Variants in PTPRT observed in about 807,000 individuals in gnomAD.
The protein encoded by PTPRT is protein tyrosine phosphatase receptor type T.
A neutral mutation model predicts 176.8 loss-of-function variants in PTPRT; 56 were observed. The observed-to-expected ratio is 0.32, with a 90% CI of 0.26 to 0.40. The LOEUF (loss-of-function observed/expected upper bound fraction) is 0.40, where lower values mean the gene tolerates loss of function less well. Ranked by LOEUF, PTPRT falls within the 10% of genes least tolerant of loss-of-function variation. The pLI, the probability that PTPRT is intolerant of heterozygous loss-of-function variation, is 1.00. For synonymous variants in PTPRT, 783 were observed against 739.0 expected (o/e 1.06, Z -0.96); for missense variants, 1,540 against 1,908.2 (o/e 0.81, Z 3.60).
In PTPRT at chr20:42,492,463, G is replaced by T. The variant is rs111698939; in HGVS notation, c.1154-19901C>A. Among the ~76,000 whole-genome samples, 518 of 151,572 alleles carry T rather than the reference G, an allele frequency of 3.4e-3. 6 individuals are homozygous for T. The highest frequency in any genetic ancestry group is 0.012 in the African/African-American group (490 of 41,088). ...TAATCATGTTAAACATTTTCTTCAT[G>T]TTCCTTTTTTTTGCCATCTGTATAT... On this transcript the variant is annotated intron_variant, in intron 7 of 30. Transcript: ENST00000373187.
At chr20:42,276,515 A>AATGTTC (rs1252220064) in intron 13 of PTPRT, among the ~76,000 whole-genome samples, 2 of 23,076 alleles carry the variant, frequency 8.7e-5, no homozygotes, top group Non-Finnish European at 1.7e-4. Flanking sequence ...ATATATATAT[A>AATGTTC]TATATATATA....
chr20:42,519,016 A>T (rs2145488203), intron 7 of PTPRT, among the ~76,000 whole-genome samples: 1 of 152,164 alleles, frequency 6.6e-6, no homozygotes, highest in African/African-American at 2.4e-5. Flanking sequence ...ATCTTCCAAA[A>T]CTATGGTGCA....
At chr20:42,923,711 A>G (rs1979304427) in intron 1 of PTPRT, among the ~76,000 whole-genome samples, 1 of 152,238 alleles carries the variant, frequency 6.6e-6, no homozygotes, top group Admixed American at 6.5e-5. Context: ...CACCAGTCCC[A>G]GGTACTCCAC....
chr20:42,229,663 T>C (rs1222088539), intron 15 of PTPRT, among the ~76,000 whole-genome samples: 1 of 152,212 alleles, frequency 6.6e-6, no homozygotes, highest in Non-Finnish European at 1.5e-5. Flanking sequence ...ATTATGTCCA[T>C]TGAATCTTTG....
chr20:42,108,332 T>TATTA (rs1986671252), intron 23 of PTPRT, among the ~76,000 whole-genome samples: 1 of 152,184 alleles, frequency 6.6e-6, no homozygotes, highest in Non-Finnish European at 1.5e-5. Flanking sequence ...CTCTATTACT[T>TATTA]ATTAGCTGCA....
intron 6 of PTPRT, among the ~76,000 whole-genome samples, chr20:42,731,892 CTT>C (rs2076466125): frequency 6.6e-6 from 1 of 152,210 alleles, no homozygotes; most frequent in Non-Finnish European, 1.5e-5. Flanking sequence ...TCTTCCTACT[CTT>C]TAAATGGCTG....
At chr20:43,005,716 G>A (rs747772795) in intron 1 of PTPRT, among the ~76,000 whole-genome samples, 5 of 152,228 alleles carry the variant, frequency 3.3e-5, no homozygotes, top group East Asian at 1.9e-4. Flanking sequence ...CAATGCTGAC[G>A]GCATTCAAAT....
In PTPRT at chr20:42,184,583, T is replaced by TTCTTCTTCTTCTTCTTCTTCC. The variant is rs1471645810; in HGVS notation, c.2491+14656_2491+14657insGGAAGAAGAAGAAGAAGAAGA. Among the ~76,000 whole-genome samples, 7 of 141,738 alleles carry TTCTTCTTCTTCTTCTTCTTCC rather than the reference T, an allele frequency of 4.9e-5. No individual in the cohort carries two copies. In the East Asian group the frequency reaches 1.3e-3, roughly 27 times the overall value. 93.0% of individuals were successfully genotyped at this position (141,738 alleles called of 152,430 possible). On this transcript the variant is annotated intron_variant, in intron 16 of 30. Transcript: ENST00000373187. ...CTTATTCTTCTTCTTCTTCTTCTTCTTCTTCTTCTTCCTCTTCTTCTTCTT... is the reference window on the plus strand; with the variant it reads ...CTTATTCTTCTTCTTCTTCTTCTTCTTCTTCTTCTTCTTCTTCTTCCTCTTCTTCTTCCTCTTCTTCTTCTT...
intron 6 of PTPRT, among the ~76,000 whole-genome samples, chr20:42,701,239 T>A (rs1264637359): frequency 6.6e-6 from 1 of 152,170 alleles, no homozygotes; most frequent in East Asian, 1.9e-4. Context: ...ATGTGAGTCA[T>A]TCCTGCTCAT....
chr20:42,167,925 T>G (rs536136675), intron 16 of PTPRT, among the ~76,000 whole-genome samples: 2 of 152,302 alleles, frequency 1.3e-5, no homozygotes, highest in African/African-American at 2.4e-5. Flanking sequence ...CCCTCAAAAC[T>G]TAACTACTAA....
chr20:42,138,968 A>G (rs1442455306), intron 18 of PTPRT, among the ~76,000 whole-genome samples: 1 of 152,148 alleles, frequency 6.6e-6, no homozygotes, highest in Non-Finnish European at 1.5e-5. Context: ...TGCTAATCAC[A>G]GCCAGTTTTC....
At chr20:42,295,890 C>T (rs2057379414) in intron 12 of PTPRT, among the ~76,000 whole-genome samples, 1 of 152,198 alleles carries the variant, frequency 6.6e-6, no homozygotes, top group Non-Finnish European at 1.5e-5. Flanking sequence ...AGTTCCTTTG[C>T]TTCGCACGTC....
intron 7 of PTPRT, among the ~76,000 whole-genome samples, chr20:42,625,723 A>C: frequency 6.6e-6 from 1 of 152,048 alleles, no homozygotes. Flanking sequence ...AGGATCAACC[A>C]ACACAATGAG....
chr20:43,163,621 G>C (rs1438611489), intron 1 of PTPRT, among the ~76,000 whole-genome samples: 1 of 150,958 alleles, frequency 6.6e-6, no homozygotes, highest in African/African-American at 2.4e-5. Flanking sequence ...CTGGGCTACA[G>C]AGCGAGACTC....
intron 14 of PTPRT, among the ~76,000 whole-genome samples, chr20:42,239,172 T>A (rs1469036831): frequency 6.6e-6 from 1 of 152,096 alleles, no homozygotes; most frequent in African/African-American, 2.4e-5. Context: ...GTTCACCTCT[T>A]TAGGAATAAT....
chr20:42,665,814 A>G (rs2075305927), intron 7 of PTPRT, among the ~76,000 whole-genome samples: 1 of 151,982 alleles, frequency 6.6e-6, no homozygotes, highest in Admixed American at 6.6e-5. Flanking sequence ...GAAGCTGAAA[A>G]TCATCATTCT....
At chr20:42,926,014 C>T (rs190303130) in intron 1 of PTPRT, among the ~76,000 whole-genome samples, 1 of 152,268 alleles carries the variant, frequency 6.6e-6, no homozygotes, top group Admixed American at 6.5e-5. Context: ...GGGGCTAGAC[C>T]CTGCCAGGTA....
chr20:42,419,910 G>C (rs2145765136), intron 9 of PTPRT, among the ~76,000 whole-genome samples: 1 of 152,288 alleles, frequency 6.6e-6, no homozygotes, highest in African/African-American at 2.4e-5. Flanking sequence ...CGTGGAGACA[G>C]AAGCGAGACT....
intron 28 of PTPRT, 81 bp from the exon 29 acceptor site, chr20:42,084,926 G>T (rs953928496): frequency 2.5e-6 from 3 of 1,213,214 alleles, no homozygotes; most frequent in African/African-American, 3.1e-5. Flanking sequence ...GGGGACTGCA[G>T]CATCATGGTG....
Sources: gnomAD v4.1 joint callset for allele counts (sites outside exome capture counted in the v4.1 genomes callset) on GRCh38, gnomAD v4.1.1 for gene constraint, MANE v1.5 for transcripts, NCBI Gene and HGNC (gene_info 2026-07-23, HGNC 2026-07-21) for gene names.